CDHR4: variants seen among roughly 807,000 people sequenced by gnomAD.
The protein encoded by CDHR4 is cadherin-related family member 4.
CDHR4 carries 89 observed loss-of-function variants against 88.4 expected under a neutral mutation model. That is an observed-to-expected ratio of 1.01 (90% CI 0.85 to 1.20). CDHR4 has a LOEUF of 1.20. Ranked by LOEUF, CDHR4 falls within the 50% of genes most tolerant of loss-of-function variation. The probability of loss-of-function intolerance (pLI) is 0.00; values close to 1 mark genes in which losing one functional copy is unlikely to be tolerated. For synonymous variants in CDHR4, 368 were observed against 399.2 expected, an observed-to-expected ratio of 0.92 and a Z score of 0.93; for missense variants, 914 against 1,007.2, an observed-to-expected ratio of 0.91 and a Z score of 1.25.
At chr3:49,794,914 C>T in intron 9 of CDHR4, 33 bp downstream of exon 9, 2 of 1,551,284 alleles carry the variant, frequency 1.3e-6, no homozygotes, top group Non-Finnish European at 1.7e-6. Flanking sequence ...TGCAAGCACC[C>T]TGCAAGTGGG....
chr3:49,793,871 T>C lies in CDHR4; in HGVS notation c.1415A>G (p.Tyr472Cys). 1 of 1,551,720 alleles carries C rather than the reference T, an allele frequency of 6.4e-7. No homozygotes were observed. Among genetic ancestry groups the C allele is most frequent in the South Asian group, 1.2e-5 (1 of 84,060 alleles). The stretch of plus-strand genomic sequence containing the variant: ...GTAGTACTCAATGTTGTCATGAGGG[T>C]AATCCATATCCGTGCCCACCACGGA... ...LGSVVGTDMD[Y>C]PHDNIEYYTS... The change falls in exon 11 of 19, where the codon TAC (tyrosine) becomes TGC (cysteine). Residue 472 changes from tyrosine to cysteine, a missense_variant. Coordinates refer to ENST00000412678, the MANE Select transcript of CDHR4 (RefSeq NM_001007540.4).
chr3:49,796,928 A>C lies in CDHR4; in HGVS notation c.600T>G (p.Ala200=). ...GATTCCAGGTCATGCTCACCTTTTG[A>C]GCCTGGCCTAGGAGGCCCTGGGATG... The part of the protein sequence containing the change: ...QAPSQGLLGQ[A]QKVFQLQISV... Residue 200 remains alanine (A), a synonymous_variant, in exon 5 of 19, where the codon GCT becomes GCG. Coordinates refer to ENST00000412678, the MANE Select transcript of CDHR4 (RefSeq NM_001007540.4). 6.4e-7 allele frequency: 1 copy of C among 1,551,194 alleles called. No individual in the cohort carries two copies.
At position 49,795,009 on chromosome 3, in the gene CDHR4, T is replaced by G. The variant is rs1175078195; in HGVS notation, c.1123A>C (p.Lys375Gln). 1.3e-6 allele frequency: 2 copies of G among 1,551,622 alleles called. No homozygotes were observed. The highest frequency in any genetic ancestry group is 2.4e-5 in the South Asian group (2 of 84,060). Residue 375 changes from lysine (K) to glutamine (Q), a missense_variant, in exon 9 of 19, where the codon AAG becomes CAG. Transcript: ENST00000412678. The surrounding 1 kb of genome is among the most constrained non-coding windows in gnomAD (Gnocchi z 5.4). Reference sequence around the variant, plus strand: ...TTGGAAGAGCTGCGGAACCACAGCTTGTAGTCCAGGGTGGCACCAACAGAG... The same window carrying G: ...TTGGAAGAGCTGCGGAACCACAGCTGGTAGTCCAGGGTGGCACCAACAGAG... ...PDSVGATLDY[K>Q]LWFRSSSNPA...
rs1375786526 is a variant in CDHR4, at chr3:49,793,667, G to A, written c.1539C>T (p.Leu513=). 1 of 1,551,768 alleles carries A rather than the reference G, an allele frequency of 6.4e-7. No individual in the cohort carries two copies. The highest frequency in any genetic ancestry group is 8.7e-7 in the Non-Finnish European group (1 of 1,147,002). Residue 513 remains leucine, a synonymous_variant, in exon 12 of 19, where the codon CTC becomes CTT. Transcript: ENST00000412678. ...LDYEQQRLYR[L]TVLVIDHGQD... ...GGCCATGGTCAATCACAAGGACAGT[G>A]AGCCTGTACAGCCTCTGCTGCTCAT...
chr3:49,799,649 C>A, intron 1 of CDHR4, 115 bp downstream of exon 1: 1 of 1,215,502 alleles, frequency 8.2e-7, no homozygotes, highest in Non-Finnish European at 1.2e-6. Context: ...GCCAGGGGTT[C>A]AGATTCTTAC....
intron 18 of CDHR4, 29 bp from the exon 19 acceptor site, chr3:49,790,916 A>AG: frequency 6.5e-7 from 1 of 1,536,610 alleles, no homozygotes; most frequent in Non-Finnish European, 8.8e-7. Context: ...AGAGGAGAGC[A>AG]GGGGGTGCTG....
chr3:49,798,464 T>A, intron 4 of CDHR4: 1 of 279,914 alleles, frequency 3.6e-6, no homozygotes, highest in Non-Finnish European at 6.6e-6. Context: ...GGCGGGTGCC[T>A]GTAGTCCCAG....
Position 49,793,217 on chromosome 3 carries a change from G to A in CDHR4, c.1718C>T (p.Ser573Leu). ...LGRSVEVTKM[S>L]CQIPQEPQRL... is the part of the protein sequence containing the mutation. Reference sequence around the variant, plus strand: ...CTGTGGCTCCTGAGGGATCTGGCATGACATCTTGGTCACCTCCACGCTACG... The same window carrying A: ...CTGTGGCTCCTGAGGGATCTGGCATAACATCTTGGTCACCTCCACGCTACG... Residue 573 changes from serine to leucine, a missense_variant, in exon 13 of 19, where the codon TCA (serine) becomes TTA (leucine). Physicochemically the swap from Ser to Leu is moderately radical, Grantham distance 145 (BLOSUM62 -2). Transcript: ENST00000412678. The A allele has an allele frequency of 6.4e-7, 1 of 1,551,702 alleles. No homozygotes were observed. Among genetic ancestry groups the A allele is most frequent in the Non-Finnish European group, 8.7e-7 (1 of 1,147,008 alleles).
chr3:49,794,493 G>T, intron 10 of CDHR4, 115 bp downstream of exon 10: 2 of 816,100 alleles, frequency 2.5e-6, no homozygotes, highest in Non-Finnish European at 1.9e-6. Flanking sequence ...CTGAAATGGT[G>T]ACAACCCTGC....
chr3:49,794,784 T>C (rs2081242450), intron 9 of CDHR4, 83 bp from the exon 10 acceptor site: 1 of 1,422,402 alleles, frequency 7.0e-7, no homozygotes, highest in Non-Finnish European at 9.6e-7. Context: ...GGCCAGGGCA[T>C]CCACAAATAT....
In CDHR4 at chr3:49,796,638, A is replaced by G. The variant is rs114504291; in HGVS notation, c.606+284T>C. ...TGTGGGTGAGCCACTGTGCCTGGCC[A>G]TTACCCAGGACTTTCTCTTACTGTG... On this transcript the variant is annotated intron_variant, in intron 5 of 18. Transcript: ENST00000412678. Among the ~76,000 whole-genome samples the G allele has an allele frequency of 6.0e-3, 921 of 152,236 alleles. 13 individuals carry two copies. Among genetic ancestry groups the G allele is most frequent in the African/African-American group, 0.021 (887 of 41,536 alleles).
intron 15 of CDHR4, among the ~76,000 whole-genome samples, chr3:49,792,236 T>C (rs547515844): frequency 6.6e-6 from 1 of 152,296 alleles, no homozygotes; most frequent in East Asian, 1.9e-4. Flanking sequence ...TGAGCTTATC[T>C]ACCCTCCTCC....
chr3:49,790,918 G>A, intron 18 of CDHR4, 31 bp from the exon 19 acceptor site: 21 of 1,528,836 alleles, frequency 1.4e-5, no homozygotes, highest in East Asian at 2.5e-5. Flanking sequence ...AGGAGAGCAG[G>A]GGGTGCTGCT....
In CDHR4 at chr3:49,799,774, C is replaced by T. The variant is rs201706886; in HGVS notation, c.39G>A (p.Pro13=). Residue 13 remains proline (P), a synonymous_variant, in exon 1 of 19, where the codon CCG becomes CCA. Coordinates refer to ENST00000412678, the MANE Select transcript of CDHR4 (RefSeq NM_001007540.4). ...CCACCACCTCCTCACCAGAGACCACCGGAGCAAAGAGGAACACGAGGAGCC... is the reference window on the plus strand; with the variant it reads ...CCACCACCTCCTCACCAGAGACCACTGGAGCAAAGAGGAACACGAGGAGCC... The part of the protein sequence containing the change: ...LLRLLVFLFA[P]VVSDLCSLPC... 4.8e-4 allele frequency: 775 copies of T among 1,613,906 alleles called. 1 individual carries two copies. Among genetic ancestry groups the T allele is most frequent in the Admixed American group, 1.0e-3 (61 of 60,020 alleles).
At position 49,792,932 on chromosome 3, in the gene CDHR4, G is replaced by A; in HGVS notation, c.1917C>T (p.Leu639=). 1 of 1,551,656 alleles carries A rather than the reference G, an allele frequency of 6.4e-7. No homozygotes were observed. The highest frequency in any genetic ancestry group is 8.7e-7 in the Non-Finnish European group (1 of 1,146,962). The change falls in exon 14 of 19, where the codon CTC becomes CTT. Residue 639 remains leucine, a synonymous_variant. Transcript: ENST00000412678. ...VADAGPSTPH[L]STTATIIVHL... ...GCACAATAATGGTGGCTGTGGTGCT[G>A]AGGTGGGGGGTGGAGGGGCCTGCAT... is the stretch of plus-strand genomic sequence containing the variant.
rs1242026115 is a variant in CDHR4 at position 49,795,318 on chromosome 3, G to C, written c.909C>G (p.Val303=). ...CAAAGGCCTTCACCTGCAGCCTGGA[G>C]ACCGCGGTGCCTGAGGTGCGAGCTA... ...LELARTSGTA[V]SRLQVKAFEQ... The change falls in exon 8 of 19, where the codon GTC becomes GTG. Residue 303 remains valine, a synonymous_variant. Transcript: ENST00000412678. This position sits in a 1 kb window ranked among gnomAD's most constrained non-coding sequence, Gnocchi z 5.4. 1 of 1,551,486 alleles carries C rather than the reference G, an allele frequency of 6.4e-7. No homozygotes were observed. The highest frequency in any genetic ancestry group is 2.4e-5 in the East Asian group (1 of 40,930).
chr3:49,792,220 A>C (rs7637711), intron 15 of CDHR4, among the ~76,000 whole-genome samples: 2 of 152,146 alleles, frequency 1.3e-5, no homozygotes, highest in East Asian at 3.9e-4. Context: ...TCACAGTTTC[A>C]AGCCCTGAGC....
At position 49,794,007 on chromosome 3, in the gene CDHR4, C is replaced by T; in HGVS notation, c.1280-1G>A. On this transcript the variant is annotated splice_acceptor_variant, in intron 10 of 18. Transcript: ENST00000412678. LOFTEE classifies it high-confidence loss of function. Reference sequence around the variant, plus strand: ...ACCATCACCAGTACCGGCACCTCAGCTGGAAGTCATTTGGCAGTCAAGGAG... The same window carrying T: ...ACCATCACCAGTACCGGCACCTCAGTTGGAAGTCATTTGGCAGTCAAGGAG... The T allele has an allele frequency of 6.4e-7, 1 of 1,551,248 alleles. No individual in the cohort carries two copies. The highest frequency in any genetic ancestry group is 8.7e-7 in the Non-Finnish European group (1 of 1,146,866).
intron 4 of CDHR4, 96 bp downstream of exon 4, chr3:49,798,730 C>A: frequency 8.5e-7 from 1 of 1,179,602 alleles, no homozygotes; most frequent in South Asian, 1.4e-5. Flanking sequence ...CTGCAAGGTT[C>A]CTCTTCAGGC....
Sources: gnomAD v4.1 joint callset for allele counts (sites outside exome capture counted in the v4.1 genomes callset) on GRCh38, gnomAD v4.1.1 for gene constraint, Gnocchi (gnomAD v3.1) non-coding constraint, MANE v1.5 for transcripts, NCBI Gene and HGNC (gene_info 2026-07-23, HGNC 2026-07-21) for gene names.